P4HA1: variants seen among roughly 807,000 people sequenced by gnomAD.
P4HA1 encodes the protein prolyl 4-hydroxylase subunit alpha 1.
In P4HA1, 24 loss-of-function variants were observed where a neutral mutation model predicts 72.8. The observed-to-expected ratio is 0.33, with a 90% CI of 0.24 to 0.46. The LOEUF is 0.46. Among genes scored for constraint, P4HA1 ranks in the 20% least tolerant of loss-of-function variants. P4HA1 has a pLI of 1.00. For missense variants in P4HA1, 446 were observed against 640.6 expected, an observed-to-expected ratio of 0.70 and a Z score of 3.28; for synonymous variants, 201 against 218.8, an observed-to-expected ratio of 0.92 and a Z score of 0.72.
At chr10:73,060,937 C>A (rs1202451185) in intron 5 of P4HA1, among the ~76,000 whole-genome samples, 2 of 152,092 alleles carry the variant, frequency 1.3e-5, no homozygotes, top group Non-Finnish European at 2.9e-5. Context: ...ACTTACCCTG[C>A]CTTTCCTATA....
intron 10 of P4HA1, among the ~76,000 whole-genome samples, chr10:73,024,027 A>G (rs1233820812): frequency 6.6e-6 from 1 of 152,216 alleles, no homozygotes; most frequent in African/African-American, 2.4e-5. Flanking sequence ...TTAGACTCTC[A>G]CACAATAATA....
intron 9 of P4HA1, among the ~76,000 whole-genome samples, chr10:73,032,420 C>T (rs1840452490): frequency 6.6e-6 from 1 of 152,128 alleles, no homozygotes; most frequent in African/African-American, 2.4e-5. Flanking sequence ...GTATTTGTTC[C>T]TTTGGTAACA....
In P4HA1 at chr10:73,053,333, T is replaced by G; in HGVS notation, c.703+18A>C. ...CCTCAATATAACTATAACCTTAAAT[T>G]AGGCCCAGATAACATACCTAGTTCA... On this transcript the variant is annotated intron_variant, in intron 6 of 14. Coordinates refer to ENST00000394890, the MANE Select transcript of P4HA1 (RefSeq NM_001017962.3). The G allele has an allele frequency of 6.2e-7, 1 of 1,611,858 alleles. No homozygotes were observed. The highest frequency in any genetic ancestry group is 8.5e-7 in the Non-Finnish European group (1 of 1,178,664).
At chr10:73,036,991 C>T (rs1840589882) in intron 9 of P4HA1, among the ~76,000 whole-genome samples, 1 of 142,746 alleles carries the variant, frequency 7.0e-6, no homozygotes, top group African/African-American at 3.0e-5. Context: ...AGTGCTTTAA[C>T]TGAGTTGGGA....
intron 1 of P4HA1, among the ~76,000 whole-genome samples, chr10:73,079,127 T>C (rs935717662): frequency 1.3e-5 from 2 of 152,230 alleles, no homozygotes; most frequent in Admixed American, 1.3e-4. Flanking sequence ...TGTAGTTCTA[T>C]AAGCCTCTAC....
Position 73,053,445 on chromosome 10 carries a change from A to G in P4HA1, c.609T>C (p.Asp203=). 6.2e-7 allele frequency: 1 copy of G among 1,614,150 alleles called. No homozygotes were observed. The highest frequency in any genetic ancestry group is 1.1e-5 in the South Asian group (1 of 91,082). ...TCAAATAATCTAGAACAGAGACTTT[A>G]TCTATGGTAGAAATCTCGCCTTCAT... ...QLDEGEISTI[D]KVSVLDYLSY... Residue 203 remains aspartate, a synonymous_variant, in exon 6 of 15, where the codon GAT becomes GAC. Coordinates refer to ENST00000394890, the MANE Select transcript of P4HA1 (RefSeq NM_001017962.3).
chr10:73,039,586 C>T (rs1257285830), intron 9 of P4HA1, among the ~76,000 whole-genome samples: 2 of 152,148 alleles, frequency 1.3e-5, no homozygotes, highest in African/African-American at 4.8e-5. Flanking sequence ...GGATTACAGG[C>T]GTGAGCCACC....
Position 73,051,237 on chromosome 10 carries a change from T to C in P4HA1, c.716A>G (p.Gln239Arg), listed in dbSNP as rs200527189. 14 of 1,578,772 alleles carry C rather than the reference T, an allele frequency of 8.9e-6. No individual in the cohort carries two copies. In the South Asian group the frequency reaches 1.6e-4, roughly 18 times the overall value. ...KKLLELDPEH[Q>R]RANGNLKYFE... ...ATATTTTAAGTTACCATTAGCTCTC[T>C]GATGTTCAGGATCTATTAGAAGAGA... Residue 239 changes from glutamine to arginine, a missense_variant, in exon 7 of 15, where the codon CAG (glutamine) becomes CGG (arginine). Coordinates refer to ENST00000394890, the MANE Select transcript of P4HA1 (RefSeq NM_001017962.3).
chr10:73,051,259 G>A lies in P4HA1; in HGVS notation c.704-10C>T, dbSNP rs753551355. ...CTCTGATGTTCAGGATCTATTAGAAGAGAAACAAAGCATGTCCATGGGTAA... is the reference window on the plus strand; with the variant it reads ...CTCTGATGTTCAGGATCTATTAGAAAAGAAACAAAGCATGTCCATGGGTAA... On this transcript the variant is annotated splice_polypyrimidine_tract_variant and intron_variant, in intron 6 of 14. Coordinates refer to ENST00000394890, the MANE Select transcript of P4HA1 (RefSeq NM_001017962.3). The A allele has an allele frequency of 6.8e-7, 1 of 1,480,170 alleles. No homozygotes were observed. Among genetic ancestry groups the A allele is most frequent in the Admixed American group, 1.7e-5 (1 of 57,430 alleles). The allele number at this position is 1,480,170 out of a possible 1,614,324, so 91.7% of individuals were successfully genotyped here.
intron 3 of P4HA1, among the ~76,000 whole-genome samples, chr10:73,073,382 C>G (rs746371427): frequency 6.6e-6 from 1 of 151,788 alleles, no homozygotes; most frequent in Non-Finnish European, 1.5e-5. Context: ...CTACCACACC[C>G]GACTAGTTTT....
At chr10:73,023,242 G>A (rs1190048815) in intron 10 of P4HA1, among the ~76,000 whole-genome samples, 1 of 152,190 alleles carries the variant, frequency 6.6e-6, no homozygotes, top group Non-Finnish European at 1.5e-5. Context: ...AGGGCAGCCA[G>A]AGAGAAAGGT....
chr10:73,022,056 G>A (rs998161295), intron 10 of P4HA1, among the ~76,000 whole-genome samples: 1 of 152,246 alleles, frequency 6.6e-6, no homozygotes. Context: ...CCACCTCTGT[G>A]GGCAGGGCAT....
intron 9 of P4HA1, among the ~76,000 whole-genome samples, chr10:73,040,613 T>C (rs564615893): frequency 6.6e-6 from 1 of 151,850 alleles, no homozygotes; most frequent in East Asian, 1.9e-4. Flanking sequence ...GTAGCTGGGA[T>C]TACAGGCGCG....
intron 5 of P4HA1, among the ~76,000 whole-genome samples, chr10:73,066,830 C>T (rs1053352653): frequency 6.6e-6 from 1 of 152,116 alleles, no homozygotes; most frequent in Admixed American, 6.5e-5. Flanking sequence ...CATTCTCTTT[C>T]CTGCCACCCT....
chr10:73,056,626 C>T (rs145724293), intron 5 of P4HA1, among the ~76,000 whole-genome samples: 1 of 151,160 alleles, frequency 6.6e-6, no homozygotes, highest in Non-Finnish European at 1.5e-5. Context: ...CAATGAAACT[C>T]CATCAAAAAA....
At chr10:73,024,637 G>C (rs1224471259) in intron 10 of P4HA1, among the ~76,000 whole-genome samples, 1 of 152,076 alleles carries the variant, frequency 6.6e-6, no homozygotes, top group Non-Finnish European at 1.5e-5. Flanking sequence ...AAATAACTCA[G>C]ATCAAAGCAG....
At chr10:73,085,961 G>A (rs1841916900) in intron 1 of P4HA1, among the ~76,000 whole-genome samples, 1 of 152,078 alleles carries the variant, frequency 6.6e-6, no homozygotes, top group Admixed American at 6.6e-5. Context: ...ACCTGTGAAT[G>A]GCCACTGTAC....
At chr10:73,009,700 A>G in intron 14 of P4HA1, 107 bp downstream of exon 14, 1 of 608,244 alleles carries the variant, frequency 1.6e-6, no homozygotes, top group Non-Finnish European at 2.9e-6. Context: ...ACAATGTTAA[A>G]ATCATATTAA....
In P4HA1 at chr10:73,060,311, T is replaced by C. The variant is rs142476149; in HGVS notation, c.464-6721A>G. On this transcript the variant is annotated intron_variant, in intron 5 of 14. Transcript: ENST00000394890. ...CCTGTGGTTTTCAATTTGAACAATA[T>C]GAACTTACATATTTCCTGTCTCTGT... 5.4e-4 allele frequency among the ~76,000 whole-genome samples: 82 copies of C among 152,340 alleles called. No individual in the cohort carries two copies. The East Asian group carries it at 0.013, about 25-fold the overall frequency.
Sources: gnomAD v4.1 joint callset for allele counts (sites outside exome capture counted in the v4.1 genomes callset) on GRCh38, gnomAD v4.1.1 for gene constraint, MANE v1.5 for transcripts, NCBI Gene and HGNC (gene_info 2026-07-23, HGNC 2026-07-21) for gene names.